The following UGT2A3 variants were observed in gnomAD, a reference collection of about 807,000 sequenced individuals.
The protein encoded by UGT2A3 is UDP glucuronosyltransferase family 2 member A3.
A neutral mutation model predicts 44.1 loss-of-function variants in UGT2A3; 55 were observed. That is an observed-to-expected ratio of 1.25 (90% CI 1.00 to 1.56). UGT2A3 has a LOEUF of 1.56. Among genes scored for constraint, UGT2A3 ranks in the 40% most tolerant of loss-of-function variants. The pLI is 0.00. For synonymous variants in UGT2A3, 243 were observed against 215.1 expected (o/e 1.13, Z -1.13); for missense variants, 733 against 621.6 (o/e 1.18, Z -1.91).
chr4:68,948,964 G>A (rs145338107), intron 1 of UGT2A3, among the ~76,000 whole-genome samples: 28 of 151,944 alleles, frequency 1.8e-4, no homozygotes, highest in Non-Finnish European at 2.7e-4. Context: ...GATGTTGGGA[G>A]CCAGCAAGTG....
intron 1 of UGT2A3, among the ~76,000 whole-genome samples, chr4:68,948,443 T>TC (rs955382973): frequency 2.7e-5 from 3 of 111,416 alleles, no homozygotes; most frequent in African/African-American, 5.6e-5. Context: ...TTTTTTCTTT[T>TC]TTTTTTTTTT....
At chr4:68,941,060 C>T (rs1261679173) in intron 2 of UGT2A3, among the ~76,000 whole-genome samples, 2 of 151,642 alleles carry the variant, frequency 1.3e-5, no homozygotes, top group African/African-American at 4.8e-5. Context: ...CGAATTTTTA[C>T]TCTATTAGTT....
chr4:68,947,802 T>G (rs542552745), intron 1 of UGT2A3, among the ~76,000 whole-genome samples: 5 of 151,806 alleles, frequency 3.3e-5, no homozygotes, highest in Non-Finnish European at 5.9e-5. Context: ...GAATTGTCAA[T>G]GAGCAGCAAT....
Position 68,929,859 on chromosome 4 carries a change from G to T in UGT2A3, c.1538C>A (p.Ser513Tyr), listed in dbSNP as rs538108645. ...TCTAGTTTTATTAAATTTTTGACAG[G>T]AAAATAAAAAACATTTTGTGAACAA... ...IFLFTKCFLF[S>Y]CQKFNKTRKI... Residue 513 changes from serine (S) to tyrosine (Y), a missense_variant, in exon 6 of 6, where the codon TCC becomes TAC. Transcript: ENST00000251566. The T allele has an allele frequency of 4.4e-6, 7 of 1,606,738 alleles. No homozygotes were observed. In the African/African-American group the frequency reaches 9.4e-5, roughly 22 times the overall value.
intron 1 of UGT2A3, among the ~76,000 whole-genome samples, chr4:68,950,554 G>GT (rs1718545002): frequency 6.6e-6 from 1 of 151,788 alleles, no homozygotes; most frequent in South Asian, 2.1e-4. Flanking sequence ...CCACAAGACC[G>GT]TAAGTCTTTT....
intron 2 of UGT2A3, among the ~76,000 whole-genome samples, chr4:68,936,586 G>T (rs939591953): frequency 6.6e-6 from 1 of 151,902 alleles, no homozygotes; most frequent in Non-Finnish European, 1.5e-5. Context: ...AAGAACAACT[G>T]GTACCAGCCA....
At chr4:68,947,689 G>A (rs889896094) in intron 1 of UGT2A3, among the ~76,000 whole-genome samples, 2 of 151,890 alleles carry the variant, frequency 1.3e-5, no homozygotes, top group Admixed American at 1.3e-4. Flanking sequence ...AGACTTGAAA[G>A]TCAAGGCTAT....
Position 68,929,665 on chromosome 4 carries a change from A to T in UGT2A3, c.*148T>A. ...TACAACGAAAGAATGAGATATACTC[A>T]CAACCTCATGATCGTGGAATTCTAG... On this transcript the variant is annotated 3_prime_UTR_variant, in exon 6 of 6. Transcript: ENST00000251566. 1.4e-6 allele frequency: 1 copy of T among 726,348 alleles called. No individual in the cohort carries two copies. The highest frequency in any genetic ancestry group is 2.2e-6 in the Non-Finnish European group (1 of 448,630). 45.0% of individuals were successfully genotyped at this position (726,348 alleles called of 1,614,324 possible). A position where few individuals can be genotyped will look rare whatever the true frequency, so the allele number is the denominator to read the frequency against.
At chr4:68,932,062 GTAA>G (rs990092741) in intron 3 of UGT2A3, among the ~76,000 whole-genome samples, 28 of 151,912 alleles carry the variant, frequency 1.8e-4, no homozygotes, top group African/African-American at 6.5e-4. Context: ...TAGAATTACA[GTAA>G]TAATAAAGTT....
intron 3 of UGT2A3, 61 bp downstream of exon 3, chr4:68,932,567 A>G: frequency 6.5e-7 from 1 of 1,541,610 alleles, no homozygotes; most frequent in Non-Finnish European, 8.7e-7. Flanking sequence ...CAAGACCCAA[A>G]TAAAACCATA....
At chr4:68,944,965 C>G (rs1351455621) in intron 2 of UGT2A3, among the ~76,000 whole-genome samples, 2 of 151,724 alleles carry the variant, frequency 1.3e-5, no homozygotes, top group Non-Finnish European at 2.9e-5. Context: ...TGACAAATAT[C>G]CTTGTTCATA....
At position 68,951,159 on chromosome 4, in the gene UGT2A3, T is replaced by C. The variant is rs1374259126; in HGVS notation, c.602A>G (p.Asp201Gly). 6.2e-7 allele frequency: 1 copy of C among 1,611,980 alleles called. No individual in the cohort carries two copies. Among genetic ancestry groups the C allele is most frequent in the South Asian group, 1.1e-5 (1 of 90,960 alleles). The change falls in exon 1 of 6, where the codon GAC (aspartate) becomes GGC (glycine). Residue 201 changes from aspartate (D) to glycine (G), a missense_variant. Physicochemically the swap from Asp to Gly is moderately conservative, Grantham distance 94. Coordinates refer to ENST00000251566, the MANE Select transcript of UGT2A3 (RefSeq NM_024743.4). ...YVPVPMTGLT[D>G]RMTFLERVKN... ...TACTCTTTCCAGAAAGGTCATTCTG[T>C]CTGTTAGTCCTGTCATAGGCACAGG...
chr4:68,935,510 A>G (rs907554183), intron 2 of UGT2A3, among the ~76,000 whole-genome samples: 1 of 151,628 alleles, frequency 6.6e-6, no homozygotes, highest in African/African-American at 2.4e-5. Flanking sequence ...AAGAAATAAC[A>G]TCAAAATCAA....
chr4:68,942,504 GATATATATATATATATAT>G (rs34118122), intron 2 of UGT2A3, among the ~76,000 whole-genome samples: 102,288 of 131,166 alleles, frequency 0.78, 39,498 homozygotes, highest in Non-Finnish European at 0.86. Flanking sequence ...TTCCACTGGA[GATATATATATATATATAT>G]ATATATATAT....
At chr4:68,931,409 C>T (rs1717732282) in intron 3 of UGT2A3, among the ~76,000 whole-genome samples, 167 bp from the exon 4 acceptor site, 1 of 151,882 alleles carries the variant, frequency 6.6e-6, no homozygotes, top group African/African-American at 2.4e-5. Flanking sequence ...GGACGTTTTA[C>T]AAAGATCTTT....
chr4:68,942,538 T>TATATATATAC (rs1442602288), intron 2 of UGT2A3, among the ~76,000 whole-genome samples: 2,140 of 142,894 alleles, frequency 0.015, 71 homozygotes, highest in African/African-American at 0.048. Context: ...TATATATATA[T>TATATATATAC]ACATTTTCCA....
intron 3 of UGT2A3, among the ~76,000 whole-genome samples, chr4:68,931,807 G>T (rs1286936893): frequency 6.6e-6 from 1 of 151,828 alleles, no homozygotes; most frequent in East Asian, 1.9e-4. Context: ...TTTTCTTTGA[G>T]ATTGTACCTT....
intron 2 of UGT2A3, among the ~76,000 whole-genome samples, chr4:68,942,643 A>T (rs1306931664): frequency 1.3e-5 from 2 of 150,916 alleles, no homozygotes; most frequent in Non-Finnish European, 3.0e-5. Context: ...CCAGGGCATA[A>T]TGTTAACTGA....
At position 68,951,666 on chromosome 4, in the gene UGT2A3, T is replaced by A; in HGVS notation, c.95A>T (p.Asp32Val). ...CTTGACATTAAGCCAATGGCTCATG[T>A]CACAGGGCCACACCAGGACTTTCCC... ...FCGKVLVWPC[D>V]MSHWLNVKVI... The change falls in exon 1 of 6, where the codon GAC becomes GTC. Residue 32 changes from aspartate to valine, a missense_variant. Coordinates refer to ENST00000251566, the MANE Select transcript of UGT2A3 (RefSeq NM_024743.4). 6.2e-7 allele frequency: 1 copy of A among 1,612,208 alleles called. No individual in the cohort carries two copies. Among genetic ancestry groups the A allele is most frequent in the Non-Finnish European group, 8.5e-7 (1 of 1,179,362 alleles).
Sources: gnomAD v4.1 joint callset for allele counts (sites outside exome capture counted in the v4.1 genomes callset) on GRCh38, gnomAD v4.1.1 for gene constraint, MANE v1.5 for transcripts, NCBI Gene and HGNC (gene_info 2026-07-23, HGNC 2026-07-21) for gene names.